Variants in CSMD3 observed in about 807,000 individuals in gnomAD.
The protein encoded by CSMD3 is CUB and Sushi multiple domains 3, also known as CUB and sushi domain-containing protein 3.
Under a neutral mutation model 435.2 loss-of-function variants are expected in CSMD3, and 177 were observed. That is an observed-to-expected ratio of 0.41 (90% confidence interval 0.36 to 0.46). The LOEUF is 0.46. Ranked by LOEUF, CSMD3 falls within the 20% of genes least tolerant of loss-of-function variation. The pLI is 0.34. For synonymous variants in CSMD3, 1,656 were observed against 1,520.5 expected, an observed-to-expected ratio of 1.09 and a Z score of -2.07; for missense variants, 4,265 against 4,504.6, an observed-to-expected ratio of 0.95 and a Z score of 1.52.
Position 113,075,590 on chromosome 8 carries a change from C to T in CSMD3, c.917+23166G>A, listed in dbSNP as rs2089303590. Among the ~76,000 whole-genome samples, 5 of 151,738 alleles carry T rather than the reference C, an allele frequency of 3.3e-5. No individual in the cohort carries two copies. The South Asian group carries it at 1.0e-3, about 31-fold the overall frequency. Reference sequence around the variant, plus strand: ...TCAGAATTGTCAGGCTTAATGAGGCCTTGGCTAATTCATTTCTCATCAACA... The same window carrying T: ...TCAGAATTGTCAGGCTTAATGAGGCTTTGGCTAATTCATTTCTCATCAACA... On this transcript the variant is annotated intron_variant, in intron 5 of 70. Coordinates refer to ENST00000297405, the MANE Select transcript of CSMD3 (RefSeq NM_198123.2).
intron 4 of CSMD3, among the ~76,000 whole-genome samples, chr8:113,156,443 T>C (rs2091930041): frequency 1.3e-5 from 2 of 152,036 alleles, no homozygotes; most frequent in Admixed American, 6.6e-5. Context: ...CGTGATAATA[T>C]GAACTATGTT....
chr8:112,944,853 G>A (rs1411852982), intron 9 of CSMD3, among the ~76,000 whole-genome samples: 8 of 151,550 alleles, frequency 5.3e-5, no homozygotes, highest in African/African-American at 2.4e-5. Flanking sequence ...TATTTGAGAT[G>A]ACATCACAAG....
Position 112,628,691 on chromosome 8 carries a change from C to T in CSMD3, c.3715+8126G>A, listed in dbSNP as rs534338103. Among the ~76,000 whole-genome samples, 7 of 152,142 alleles carry T rather than the reference C, an allele frequency of 4.6e-5. No individual in the cohort carries two copies. The South Asian group carries it at 6.2e-4, about 14-fold the overall frequency. ...AAATTTACTTAAAGCTTTCTATATGCTAAACACTGTTGTAGATAAAAAGGC... is the reference window on the plus strand; with the variant it reads ...AAATTTACTTAAAGCTTTCTATATGTTAAACACTGTTGTAGATAAAAAGGC... On this transcript the variant is annotated intron_variant, in intron 22 of 70. Coordinates refer to ENST00000297405, the MANE Select transcript of CSMD3 (RefSeq NM_198123.2).
In CSMD3 at chr8:112,318,940, A is replaced by G. The variant is rs1272239369; in HGVS notation, c.7257T>C (p.Ile2419=). The part of the protein sequence containing the change: ...EDDEFEIGDI[I]RYQCLPGFTL... ...TAAATCCTGGAAGACACTGATACCT[A>G]ATAATATCACCTATTAAACAAAAGA... Residue 2419 remains isoleucine (I), a synonymous_variant, in exon 47 of 71, where the codon ATT becomes ATC. Coordinates refer to ENST00000297405, the MANE Select transcript of CSMD3 (RefSeq NM_198123.2). The G allele has an allele frequency of 1.2e-6, 2 of 1,600,188 alleles. No individual in the cohort carries two copies. Among genetic ancestry groups the G allele is most frequent in the Non-Finnish European group, 1.7e-6 (2 of 1,169,146 alleles).
In CSMD3 at chr8:112,341,704, C is replaced by T; in HGVS notation, c.6443-18G>A. The T allele has an allele frequency of 7.0e-7, 1 of 1,432,532 alleles. No individual in the cohort carries two copies. Among genetic ancestry groups the T allele is most frequent in the Non-Finnish European group, 9.8e-7 (1 of 1,016,714 alleles). The allele number at this position is 1,432,532 out of a possible 1,614,324, so 88.7% of individuals were successfully genotyped here. A position where few individuals can be genotyped will look rare whatever the true frequency, so the allele number is the denominator to read the frequency against. On this transcript the variant is annotated intron_variant, in intron 41 of 70. Transcript: ENST00000297405. ...ATGTACACCTGAAGAAGAAAACAAA[C>T]AGAATGCTACTTTATTTGCTTTACC...
chr8:113,153,171 GAAAGA>G lies in CSMD3; in HGVS notation c.709+20546_709+20550del, dbSNP rs1411496448. Reference sequence around the variant, plus strand: ...GGAAGGAAGGAAGGAAGGAAGGAAGGAAAGAAGGAAGGGAGGGAAGGAGGAAGGGA... The same window carrying G: ...GGAAGGAAGGAAGGAAGGAAGGAAGGAGGAAGGGAGGGAAGGAGGAAGGGA... On this transcript the variant is annotated intron_variant, in intron 4 of 70. Coordinates refer to ENST00000297405, the MANE Select transcript of CSMD3 (RefSeq NM_198123.2). Among the ~76,000 whole-genome samples, 85 of 137,670 alleles carry G rather than the reference GAAAGA, an allele frequency of 6.2e-4. 2 individuals carry two copies. The highest frequency in any genetic ancestry group is 2.9e-3 in the East Asian group (12 of 4,190). The allele number at this position is 137,670 out of a possible 152,430, so 90.3% of individuals were successfully genotyped here. A position where few individuals can be genotyped will look rare whatever the true frequency, so the allele number is the denominator to read the frequency against.
chr8:112,522,630 T>A (rs1824416410), intron 27 of CSMD3, among the ~76,000 whole-genome samples: 1 of 151,952 alleles, frequency 6.6e-6, no homozygotes, highest in African/African-American at 2.4e-5. Flanking sequence ...GCTGAAGGTT[T>A]ATTTATAATA....
intron 10 of CSMD3, among the ~76,000 whole-genome samples, chr8:112,890,809 T>C (rs1271596717): frequency 6.6e-6 from 1 of 151,636 alleles, no homozygotes; most frequent in Non-Finnish European, 1.5e-5. Flanking sequence ...GGCTTTTTTG[T>C]GGGAAAAATG....
intron 27 of CSMD3, among the ~76,000 whole-genome samples, chr8:112,540,374 G>T (rs1292726160): frequency 6.6e-6 from 1 of 152,016 alleles, no homozygotes; most frequent in Admixed American, 6.6e-5. Flanking sequence ...ATAGTATGGA[G>T]TTTCCCTTAA....
chr8:112,387,083 T>C (rs1830041137), intron 36 of CSMD3, among the ~76,000 whole-genome samples: 1 of 152,188 alleles, frequency 6.6e-6, no homozygotes, highest in Admixed American at 6.5e-5. Context: ...CTGCTAATTT[T>C]GAATGTAGCT....
chr8:112,529,454 G>A (rs1029354490), intron 27 of CSMD3, among the ~76,000 whole-genome samples: 19 of 152,182 alleles, frequency 1.2e-4, no homozygotes, highest in African/African-American at 4.3e-4. Context: ...CAGCAGAGTG[G>A]TGCATGTCTG....
chr8:112,663,470 A>T (rs1434864377), intron 17 of CSMD3, among the ~76,000 whole-genome samples: 1 of 113,766 alleles, frequency 8.8e-6, no homozygotes, highest in Non-Finnish European at 1.7e-5. Context: ...GGAACATCAC[A>T]CACCGGGGCC....
intron 1 of CSMD3, among the ~76,000 whole-genome samples, chr8:113,422,221 T>A (rs2094611956): frequency 6.6e-6 from 1 of 152,178 alleles, no homozygotes; most frequent in Non-Finnish European, 1.5e-5. Flanking sequence ...TAGAAAATTC[T>A]ACGCGTTTTT....
chr8:112,254,362 A>C (rs1473789437), intron 62 of CSMD3, 36 bp from the exon 63 acceptor site: 3 of 1,362,906 alleles, frequency 2.2e-6, no homozygotes, highest in South Asian at 2.3e-5. Context: ...AGTCCTTTAA[A>C]ATTTACAATA....
intron 27 of CSMD3, 30 bp downstream of exon 27, chr8:112,550,641 G>T (rs1277231056): frequency 3.3e-6 from 4 of 1,214,536 alleles, no homozygotes; most frequent in Admixed American, 1.7e-5. Context: ...TTCCTATTTT[G>T]CATTGAAGAA....
rs150421466 is a variant in CSMD3 at position 112,762,495 on chromosome 8, T to C, written c.1972+37667A>G. The stretch of plus-strand genomic sequence containing the variant: ...CCTCTTTACCTGACTTCTATTTAAT[T>C]AAATTGCCAGATTCTCTGTTGTTTT... On this transcript the variant is annotated intron_variant, in intron 13 of 70. Transcript: ENST00000297405. 2.1e-4 allele frequency among the ~76,000 whole-genome samples: 32 copies of C among 152,078 alleles called. No homozygotes were observed. In the East Asian group the frequency reaches 4.6e-3, roughly 22 times the overall value.
At chr8:113,375,016 T>G (rs2094372307) in intron 1 of CSMD3, among the ~76,000 whole-genome samples, 1 of 152,058 alleles carries the variant, frequency 6.6e-6, no homozygotes, top group South Asian at 2.1e-4. Context: ...ATTTGAAAGT[T>G]GTGACCATCA....
At chr8:112,445,515 G>C (rs1012797029) in intron 32 of CSMD3, among the ~76,000 whole-genome samples, 8 of 152,048 alleles carry the variant, frequency 5.3e-5, no homozygotes, top group Admixed American at 5.2e-4. Context: ...GGGGGAAGGT[G>C]CCACATTCTT....
chr8:112,573,096 C>A (rs1829666285), intron 24 of CSMD3, among the ~76,000 whole-genome samples: 1 of 152,084 alleles, frequency 6.6e-6, no homozygotes, highest in Non-Finnish European at 1.5e-5. Context: ...AACCTGAAGT[C>A]TTTTAGTTAT....
Sources: allele counts gnomAD v4.1 joint callset (sites outside exome capture counted in the v4.1 genomes callset), GRCh38; gene constraint gnomAD v4.1.1; transcripts MANE v1.5; gene names NCBI Gene and HGNC (gene_info 2026-07-23, HGNC 2026-07-21).